ZFP1: variants seen among roughly 807,000 people sequenced by gnomAD.
The protein encoded by ZFP1 is ZFP1 zinc finger protein.
A neutral mutation model predicts 38.5 loss-of-function variants in ZFP1; 32 were observed. The ratio of observed to expected loss-of-function variants is 0.83; its 90% CI spans 0.63 to 1.12. The LOEUF is 1.12. Ranked by LOEUF, ZFP1 falls within the 50% of genes most tolerant of loss-of-function variation. The probability of loss-of-function intolerance (pLI) is 0.00; values close to 1 mark genes in which losing one functional copy is unlikely to be tolerated. For missense variants in ZFP1, 616 were observed against 480.8 expected, an observed-to-expected ratio of 1.28 and a Z score of -2.63; for synonymous variants, 245 against 168.8, an observed-to-expected ratio of 1.45 and a Z score of -3.50.
At chr16:75,124,100 A>G in the ZFP1 span, among the ~76,000 whole-genome samples, 1 of 151,940 alleles carries the variant, frequency 6.6e-6, no homozygotes, top group Non-Finnish European at 1.5e-5. Context: ...TCTCAAAAAA[A>G]GTAAAATACA....
At chr16:75,142,380 A>G in the ZFP1 span, among the ~76,000 whole-genome samples, 6 of 151,894 alleles carry the variant, frequency 4.0e-5, no homozygotes, top group Non-Finnish European at 8.8e-5. Context: ...AAAAAAAGAA[A>G]AGAAAAATAA....
the ZFP1 span, among the ~76,000 whole-genome samples, chr16:75,121,826 T>A: frequency 5.3e-5 from 8 of 152,210 alleles, no homozygotes; most frequent in African/African-American, 1.9e-4. Context: ...GTAAAATTAT[T>A]AATAAATAAG....
At chr16:75,168,100 T>C (rs2038198666) in intron 3 of ZFP1, among the ~76,000 whole-genome samples, 2 of 151,992 alleles carry the variant, frequency 1.3e-5, no homozygotes, top group Non-Finnish European at 1.5e-5. Flanking sequence ...CAAGTGATCC[T>C]CCTGCCTTGG....
At chr16:75,150,731 AGTTT>A (rs2037156484) in intron 1 of ZFP1, among the ~76,000 whole-genome samples, 1 of 151,670 alleles carries the variant, frequency 6.6e-6, no homozygotes, top group African/African-American at 2.4e-5. Context: ...GGCCTGTTGT[AGTTT>A]GTTTTAAGGT....
the ZFP1 span, among the ~76,000 whole-genome samples, chr16:75,128,481 A>G: frequency 0.31 from 47,889 of 152,152 alleles, 7,731 homozygotes; most frequent in Non-Finnish European, 0.34. Context: ...ATAGGAAACT[A>G]GAGAGAGGAA....
the ZFP1 span, among the ~76,000 whole-genome samples, chr16:75,129,688 A>G: frequency 2.6e-4 from 39 of 152,192 alleles, no homozygotes; most frequent in African/African-American, 8.9e-4. Context: ...CCTAAAATGT[A>G]AAAAAACAAA....
upstream of ZFP1, among the ~76,000 whole-genome samples, chr16:75,146,320 G>A (rs895054596): frequency 8.6e-5 from 13 of 151,984 alleles, no homozygotes; most frequent in African/African-American, 2.4e-4. Flanking sequence ...CCGCCACCAC[G>A]CCCGGCTAAT....
chr16:75,139,529 CA>C, the ZFP1 span, among the ~76,000 whole-genome samples: 2 of 151,718 alleles, frequency 1.3e-5, no homozygotes, highest in African/African-American at 4.8e-5. Flanking sequence ...CCATCTCTAC[CA>C]AAAATAAACA....
chr16:75,169,403 C>T lies in ZFP1; in HGVS notation c.293C>T (p.Ser98Phe), dbSNP rs183902502. Residue 98 changes from serine to phenylalanine, a missense_variant, in exon 4 of 4, where the codon TCT (serine) becomes TTT (phenylalanine). Coordinates refer to ENST00000570010, the MANE Select transcript of ZFP1 (RefSeq NM_153688.4). ...CTTAATCTGAACACAGACTTTGTTT[C>T]TTTAAGACAAGTACCTTATAAATAT... is the stretch of plus-strand genomic sequence containing the variant. ...KALNLNTDFV[S>F]LRQVPYKYDL... 1.2e-6 allele frequency: 2 copies of T among 1,614,088 alleles called. No individual in the cohort carries two copies. Among genetic ancestry groups the T allele is most frequent in the African/African-American group, 1.3e-5 (1 of 75,026 alleles).
chr16:75,130,049 T>C, the ZFP1 span, among the ~76,000 whole-genome samples: 2 of 152,054 alleles, frequency 1.3e-5, no homozygotes, highest in African/African-American at 4.8e-5. Flanking sequence ...CAAGCTGGAG[T>C]GCAGTGGCGC....
At chr16:75,135,360 A>G in the ZFP1 span, among the ~76,000 whole-genome samples, 1 of 152,134 alleles carries the variant, frequency 6.6e-6, no homozygotes, top group East Asian at 1.9e-4. Context: ...ACACAGAGGA[A>G]CCTTAAATGC....
rs983095733 is a variant in ZFP1 at position 75,170,605 on chromosome 16, G to C, written c.*271G>C. 2 of 352,872 alleles carry C rather than the reference G, an allele frequency of 5.7e-6. No individual in the cohort carries two copies. The highest frequency in any genetic ancestry group is 4.2e-5 in the African/African-American group (2 of 48,168). 21.9% of individuals were successfully genotyped at this position (352,872 alleles called of 1,614,324 possible). A position where few individuals can be genotyped will look rare whatever the true frequency, so the allele number is the denominator to read the frequency against. On this transcript the variant is annotated 3_prime_UTR_variant, in exon 4 of 4. Transcript: ENST00000570010. ...CTTTTTAAAATCTTGAATGAATTGA[G>C]TATTCTAGACAGCAGCATAAGAAAT...
In ZFP1 at chr16:75,166,690, T is replaced by G. The variant is rs2038101959; in HGVS notation, c.16-80T>G. ...TGGTGTAATATATAGATTTTCATGA[T>G]GAATGACATAAAGTTTTCATCTATC... On this transcript the variant is annotated intron_variant, in intron 2 of 3. Transcript: ENST00000570010. 5 of 1,597,658 alleles carry G rather than the reference T, an allele frequency of 3.1e-6. No homozygotes were observed. The African/African-American group carries it at 5.4e-5, about 17-fold the overall frequency.
In ZFP1 at chr16:75,170,116, A is replaced by G. The variant is rs993187904; in HGVS notation, c.1006A>G (p.Asn336Asp). ...TGAATGTGGAAAATCCTTTATCCAG[A>G]ACTCACAGCTCATCATACACATGAG... is the stretch of plus-strand genomic sequence containing the variant. Reference protein sequence around the residue: ...CSECGKSFIQNSQLIIHMRTH... With the variant: ...CSECGKSFIQDSQLIIHMRTH... The change falls in exon 4 of 4, where the codon AAC becomes GAC. Residue 336 changes from asparagine (N) to aspartate (D), a missense_variant. By Grantham distance (23) the Asn-to-Asp change is conservative. Coordinates refer to ENST00000570010, the MANE Select transcript of ZFP1 (RefSeq NM_153688.4). 3 of 1,614,056 alleles carry G rather than the reference A, an allele frequency of 1.9e-6. No homozygotes were observed. The highest frequency in any genetic ancestry group is 2.5e-6 in the Non-Finnish European group (3 of 1,179,940).
chr16:75,126,491 C>T, the ZFP1 span, among the ~76,000 whole-genome samples: 1 of 152,156 alleles, frequency 6.6e-6, no homozygotes, highest in African/African-American at 2.4e-5. Flanking sequence ...ACAACCTCTG[C>T]CTCCCAGGTT....
Position 75,152,957 on chromosome 16 carries a change from C to T in ZFP1, c.6C>T (p.Asn2=), listed in dbSNP as rs765865676. ...TTTGCCCAAAACTGCAGAAAATGAA[C>T]AAATCCCAGGTGAGTTGTTTGTTTA... M[N]KSQGSVSFTD... Residue 2 remains asparagine, a synonymous_variant, in exon 2 of 4, where the codon AAC becomes AAT. Coordinates refer to ENST00000570010, the MANE Select transcript of ZFP1 (RefSeq NM_153688.4). 219 of 1,613,682 alleles carry T rather than the reference C, an allele frequency of 1.4e-4. No homozygotes were observed. The Middle Eastern group carries it at 3.0e-3, about 22-fold the overall frequency.
the ZFP1 span, among the ~76,000 whole-genome samples, chr16:75,141,266 A>T: frequency 7.3e-6 from 1 of 137,744 alleles, no homozygotes; most frequent in Non-Finnish European, 1.5e-5. Flanking sequence ...GCAGTGGTGC[A>T]ATCTCGGCTC....
chr16:75,134,035 C>T, the ZFP1 span, among the ~76,000 whole-genome samples: 1 of 152,120 alleles, frequency 6.6e-6, no homozygotes, highest in Non-Finnish European at 1.5e-5. Flanking sequence ...GGCGATAGAG[C>T]AAGACCCTGT....
At chr16:75,154,482 A>T in intron 2 of ZFP1, among the ~76,000 whole-genome samples, 1 of 152,130 alleles carries the variant, frequency 6.6e-6, no homozygotes, top group South Asian at 2.1e-4. Flanking sequence ...ATACACTAAG[A>T]ATATAATTAA....
Sources: gnomAD v4.1 joint callset for allele counts (sites outside exome capture counted in the v4.1 genomes callset) on GRCh38, gnomAD v4.1.1 for gene constraint, MANE v1.5 for transcripts, NCBI Gene and HGNC (gene_info 2026-07-23, HGNC 2026-07-21) for gene names.